The following TBX1 variants were observed in gnomAD, a reference collection of about 807,000 sequenced individuals.
The protein encoded by TBX1 is T-box transcription factor 1, also known as T-box transcription factor TBX1.
TBX1 carries 16 observed loss-of-function variants against 40.8 expected under a neutral mutation model. That is an observed-to-expected ratio of 0.39 (90% CI 0.27 to 0.60). The LOEUF is 0.60. Among genes scored for constraint, TBX1 ranks in the 20% least tolerant of loss-of-function variants. The pLI, the probability that TBX1 is intolerant of heterozygous loss-of-function variation, is 0.51. For synonymous variants in TBX1, 403 were observed against 336.8 expected, an observed-to-expected ratio of 1.20 and a Z score of -2.15; for missense variants, 755 against 728.5, an observed-to-expected ratio of 1.04 and a Z score of -0.42.
chr22:19,771,900 C>G (rs986169653), downstream of TBX1, among the ~76,000 whole-genome samples: 1 of 152,234 alleles, frequency 6.6e-6, no homozygotes, highest in Non-Finnish European at 1.5e-5. Context: ...TCGGGCAACG[C>G]TGGGTGCCAG....
At chr22:19,758,273 C>G (rs1039173369), upstream of TBX1, among the ~76,000 whole-genome samples, 1 of 152,192 alleles carries the variant, frequency 6.6e-6, no homozygotes, top group Non-Finnish European at 1.5e-5. Flanking sequence ...AGAGGCCTTG[C>G]AAACAGTGGC....
upstream of TBX1, among the ~76,000 whole-genome samples, chr22:19,758,383 T>G (rs1936533422): frequency 6.6e-6 from 1 of 152,134 alleles, no homozygotes; most frequent in Admixed American, 6.5e-5. Context: ...AGAGGCCCTG[T>G]ACAGGAAAGC....
upstream of TBX1, chr22:19,759,601 C>G (rs757372720): frequency 1.6e-5 from 25 of 1,608,548 alleles, no homozygotes; most frequent in Middle Eastern, 1.6e-4. Flanking sequence ...CAGGGTCCTC[C>G]GACCGGGTGA....
intron 8 of TBX1, among the ~76,000 whole-genome samples, chr22:19,773,382 A>G (rs1468382141): frequency 1.3e-5 from 2 of 152,000 alleles, no homozygotes; most frequent in Non-Finnish European, 2.9e-5. Context: ...ATCCCAAGAC[A>G]CCCATCACCC....
At chr22:19,764,895 C>T in intron 3 of TBX1, 63 bp from the exon 4 acceptor site, 2 of 1,602,272 alleles carry the variant, frequency 1.2e-6, no homozygotes, top group Admixed American at 1.7e-5. Context: ...CATTTCCTGG[C>T]TCCCACCCCA....
At position 19,766,503 on chromosome 22, in the gene TBX1, G is replaced by A. The variant is rs1936850955; in HGVS notation, c.1151G>A (p.Gly384Glu). Residue 384 changes from glycine (G) to glutamate (E), a missense_variant, in exon 7 of 7, where the codon GGG becomes GAG. Transcript: ENST00000649276. ...CGGGTGCTAAGCCCCTCGCTGCCCG[G>A]GGCCGGCGGCGCCGGCGGCTTAGTC... Reference protein sequence around the residue: ...LARVLSPSLPGAGGAGGLVPL... With the variant: ...LARVLSPSLPEAGGAGGLVPL... 2.3e-6 allele frequency: 3 copies of A among 1,311,760 alleles called. No homozygotes were observed. Among genetic ancestry groups the A allele is most frequent in the Non-Finnish European group, 2.9e-6 (3 of 1,033,650 alleles). The allele number at this position is 1,311,760 out of a possible 1,614,324, so 81.3% of individuals were successfully genotyped here.
In TBX1 at chr22:19,766,484, C is replaced by T; in HGVS notation, c.1132C>T (p.Leu378=). 1 of 1,320,888 alleles carries T rather than the reference C, an allele frequency of 7.6e-7. No individual in the cohort carries two copies. Among genetic ancestry groups the T allele is most frequent in the Non-Finnish European group, 9.7e-7 (1 of 1,032,084 alleles). The allele number at this position is 1,320,888 out of a possible 1,614,324, so 81.8% of individuals were successfully genotyped here. ...TCCTCCGCAGCTGCTGGCCCGGGTG[C>T]TAAGCCCCTCGCTGCCCGGGGCCGG... ...AHPPQLLARV[L]SPSLPGAGGA... is the part of the protein sequence containing the mutation. The change falls in exon 7 of 7, where the codon CTA becomes TTA. Residue 378 remains leucine (L), a synonymous_variant. Coordinates refer to ENST00000649276, the MANE Select transcript of TBX1 (RefSeq NM_001379200.1).
At chr22:19,760,011 G>A (rs1194606608), upstream of TBX1, among the ~76,000 whole-genome samples, 2 of 152,172 alleles carry the variant, frequency 1.3e-5, no homozygotes, top group Non-Finnish European at 2.9e-5. Context: ...TTTCACAGAA[G>A]GAGAGAAAGC....
upstream of TBX1, among the ~76,000 whole-genome samples, chr22:19,757,357 A>G (rs1936510215): frequency 6.6e-6 from 1 of 152,082 alleles, no homozygotes. Flanking sequence ...AACCTCAGGC[A>G]CAGAGGTCTG....
upstream of TBX1, among the ~76,000 whole-genome samples, chr22:19,760,212 GTTT>G (rs71761160): frequency 0.013 from 1,654 of 125,900 alleles, 22 homozygotes; most frequent in South Asian, 0.046. Context: ...AAAGACTTTA[GTTT>G]TTTTTTTTTT....
At chr22:19,763,958 G>T (rs1936750929) in intron 2 of TBX1, among the ~76,000 whole-genome samples, 197 bp from the exon 3 acceptor site, 1 of 152,204 alleles carries the variant, frequency 6.6e-6, no homozygotes, top group Non-Finnish European at 1.5e-5. Flanking sequence ...TGATTGTTTT[G>T]AGTGTTGGGG....
chr22:19,782,910 C>A, downstream of TBX1: 1 of 1,613,958 alleles, frequency 6.2e-7, no homozygotes, highest in Non-Finnish European at 8.5e-7. Flanking sequence ...TCCTGGACTC[C>A]AGGGCTGGTC....
chr22:19,767,122 C>T lies in TBX1; in HGVS notation c.*255C>T. The T allele has an allele frequency of 1.6e-6, 2 of 1,247,004 alleles. No homozygotes were observed. 77.2% of individuals were successfully genotyped at this position (1,247,004 alleles called of 1,614,324 possible). A position where few individuals can be genotyped will look rare whatever the true frequency, so the allele number is the denominator to read the frequency against. On this transcript the variant is annotated 3_prime_UTR_variant, in exon 7 of 7. Transcript: ENST00000649276. ...CCGGCCCCGAGGGCCAAGGGGGTCC[C>T]CGCCCGCCAGTGCCAAAGCGCCCGG...
chr22:19,770,990 C>T (rs927276216), downstream of TBX1, among the ~76,000 whole-genome samples: 5 of 152,188 alleles, frequency 3.3e-5, no homozygotes, highest in Admixed American at 6.5e-5. Flanking sequence ...TGCTGACCTC[C>T]GCCCTGTGTG....
At chr22:19,765,151 C>A (rs754033089) in intron 4 of TBX1, 38 bp downstream of exon 4, 2 of 1,613,854 alleles carry the variant, frequency 1.2e-6, no homozygotes, top group Admixed American at 3.3e-5. Flanking sequence ...GGATTCAACG[C>A]CTCTGGAAAA....
chr22:19,779,834 C>T (rs1176281594), downstream of TBX1, among the ~76,000 whole-genome samples: 1 of 152,248 alleles, frequency 6.6e-6, no homozygotes, highest in East Asian at 1.9e-4. Flanking sequence ...TTAGCACCCT[C>T]CTGGGGATTA....
chr22:19,757,371 A>C (rs1464644703), upstream of TBX1, among the ~76,000 whole-genome samples: 2 of 151,868 alleles, frequency 1.3e-5, no homozygotes, highest in African/African-American at 4.8e-5. Context: ...AGGTCTGGGG[A>C]CCTCTGGACC....
At chr22:19,758,688 G>A (rs1037860781), upstream of TBX1, among the ~76,000 whole-genome samples, 12 of 150,752 alleles carry the variant, frequency 8.0e-5, no homozygotes, top group East Asian at 6.1e-4. Context: ...CCCTGCGCCC[G>A]GCCGGTGCGC....
At chr22:19,770,259 AATAG>A (rs997090870), downstream of TBX1, among the ~76,000 whole-genome samples, 12 of 152,330 alleles carry the variant, frequency 7.9e-5, no homozygotes, top group Admixed American at 1.3e-4. Flanking sequence ...CAACGCAGGA[AATAG>A]ATAGATTCTT....
Sources: gnomAD v4.1 joint callset for allele counts (sites outside exome capture counted in the v4.1 genomes callset) on GRCh38, gnomAD v4.1.1 for gene constraint, MANE v1.5 for transcripts, NCBI Gene and HGNC (gene_info 2026-07-23, HGNC 2026-07-21) for gene names.